The following DNAH7 variants were observed in gnomAD, a reference collection of about 807,000 sequenced individuals.
DNAH7 encodes the protein axonemal beta dynein heavy chain 7.
In DNAH7, 397 loss-of-function variants were observed where a neutral mutation model predicts 444.6. That is an observed-to-expected ratio of 0.89 (90% CI 0.82 to 0.97). The LOEUF (loss-of-function observed/expected upper bound fraction) is 0.97. Ranked by LOEUF, DNAH7 falls within the 50% of genes least tolerant of loss-of-function variation. The pLI is 0.00. For synonymous variants in DNAH7, 1,636 were observed against 1,624.4 expected (o/e 1.01, Z -0.17); for missense variants, 4,902 against 4,800.8 (o/e 1.02, Z -0.62).
chr2:195,948,127 T>C, intron 19 of DNAH7, among the ~76,000 whole-genome samples: 1 of 152,202 alleles, frequency 6.6e-6, no homozygotes, highest in East Asian at 1.9e-4. Flanking sequence ...CCTTGCCCAC[T>C]TTCTGATGGG....
intron 45 of DNAH7, among the ~76,000 whole-genome samples, chr2:195,854,066 C>G (rs548597822): frequency 6.6e-6 from 1 of 152,158 alleles, no homozygotes; most frequent in African/African-American, 2.4e-5. Context: ...TAGCTGAGAG[C>G]CTATTTGGTG....
At chr2:196,047,275 A>C in intron 5 of DNAH7, 77 bp downstream of exon 5, 1 of 1,315,224 alleles carries the variant, frequency 7.6e-7, no homozygotes, top group Non-Finnish European at 1.0e-6. Flanking sequence ...GATGCACAGA[A>C]TTCTAATATT....
At position 195,864,811 on chromosome 2, in the gene DNAH7, T is replaced by G; in HGVS notation, c.6844A>C (p.Asn2282His). The change falls in exon 41 of 65, where the codon AAC becomes CAC. Residue 2282 changes from asparagine to histidine, a missense_variant. Asn to His is a moderately conservative substitution (Grantham distance 68). Coordinates refer to ENST00000312428, the MANE Select transcript of DNAH7 (RefSeq NM_018897.3). ...TCCACATCTGCGATTTCTCTGTAGTTGGTATCCTCCCTCTTGGGATCATGG... is the reference window on the plus strand; with the variant it reads ...TCCACATCTGCGATTTCTCTGTAGTGGGTATCCTCCCTCTTGGGATCATGG... The part of the protein sequence containing the change: ...DFHDPKREDT[N>H]YREIADVDNL... 1 of 1,614,214 alleles carries G rather than the reference T, an allele frequency of 6.2e-7. No individual in the cohort carries two copies. The highest frequency in any genetic ancestry group is 8.5e-7 in the Non-Finnish European group (1 of 1,180,026).
At chr2:195,958,555 A>G (rs1690856783) in intron 18 of DNAH7, among the ~76,000 whole-genome samples, 1 of 152,222 alleles carries the variant, frequency 6.6e-6, no homozygotes. Context: ...ATTTCAATTT[A>G]TAAGATGTAA....
intron 21 of DNAH7, among the ~76,000 whole-genome samples, chr2:195,934,161 T>C (rs769049889): frequency 3.3e-5 from 5 of 152,206 alleles, no homozygotes; most frequent in Admixed American, 2.0e-4. Flanking sequence ...GTAGGAAGCA[T>C]ACATTATTTT....
chr2:195,907,064 G>T, intron 25 of DNAH7, 55 bp from the exon 26 acceptor site: 4 of 1,350,488 alleles, frequency 3.0e-6, no homozygotes, highest in Non-Finnish European at 4.2e-6. Flanking sequence ...ATGTTGCAAT[G>T]AAATGTTGTA....
Position 195,881,908 on chromosome 2 carries a change from C to A in DNAH7, c.5848G>T (p.Val1950Leu). 6.2e-7 allele frequency: 1 copy of A among 1,613,964 alleles called. No individual in the cohort carries two copies. Among genetic ancestry groups the A allele is most frequent in the Non-Finnish European group, 8.5e-7 (1 of 1,179,894 alleles). The change falls in exon 36 of 65, where the codon GTG becomes TTG. Residue 1950 changes from valine (V) to leucine (L), a missense_variant. Val to Leu is a conservative substitution (Grantham distance 32). Transcript: ENST00000312428. ...PKDVMFNEII[V>L]PTLDTIRYSA... ...TATCGAATTGTGTCCAGAGTTGGCA[C>A]AATGATTTCATTAAACATTACATCT...
intron 14 of DNAH7, 83 bp from the exon 15 acceptor site, chr2:195,984,793 T>C (rs17363053): frequency 0.15 from 186,841 of 1,238,572 alleles, 15,893 homozygotes; most frequent in Middle Eastern, 0.23. Flanking sequence ...GTTTAAATAT[T>C]CCATTGCATG....
chr2:195,823,613 G>A (rs1016887551), intron 49 of DNAH7, among the ~76,000 whole-genome samples: 1 of 151,980 alleles, frequency 6.6e-6, no homozygotes, highest in African/African-American at 2.4e-5. Flanking sequence ...GCTTGCCTCT[G>A]TAAATGAAAG....
At chr2:195,791,439 T>C (rs1449707788) in intron 57 of DNAH7, among the ~76,000 whole-genome samples, 1 of 149,534 alleles carries the variant, frequency 6.7e-6, no homozygotes, top group Admixed American at 6.7e-5. Context: ...GAAAAGGGAA[T>C]GCTTATACAC....
chr2:195,929,340 C>G (rs1249684372), intron 21 of DNAH7, among the ~76,000 whole-genome samples: 2 of 152,150 alleles, frequency 1.3e-5, no homozygotes, highest in Non-Finnish European at 1.5e-5. Context: ...TATCAAGCTA[C>G]CAACATCATT....
intron 31 of DNAH7, among the ~76,000 whole-genome samples, chr2:195,889,303 CTTTCTTTCTT>C (rs1454460429): frequency 1.3e-5 from 2 of 150,962 alleles, no homozygotes; most frequent in Admixed American, 6.6e-5. Context: ...TCCATCCTTC[CTTTCTTTCTT>C]TTTCTTTCTT....
chr2:195,811,355 TTTTA>T (rs1696959925), intron 51 of DNAH7, among the ~76,000 whole-genome samples: 1 of 152,140 alleles, frequency 6.6e-6, no homozygotes, highest in Non-Finnish European at 1.5e-5. Flanking sequence ...TTAGAAGTGT[TTTTA>T]TTTATTTGTT....
intron 46 of DNAH7, among the ~76,000 whole-genome samples, chr2:195,851,101 C>A (rs185996890): frequency 6.6e-6 from 1 of 152,330 alleles, no homozygotes; most frequent in Non-Finnish European, 1.5e-5. Context: ...GGTGTGAAAG[C>A]ACACAGAAGC....
intron 63 of DNAH7, among the ~76,000 whole-genome samples, chr2:195,741,676 A>G (rs910138173): frequency 5.3e-5 from 8 of 152,240 alleles, no homozygotes; most frequent in Admixed American, 1.3e-4. Context: ...ACATTTGTAA[A>G]ATAGTAATAT....
At chr2:196,053,924 A>G (rs773364825) in intron 2 of DNAH7, among the ~76,000 whole-genome samples, 14 of 152,162 alleles carry the variant, frequency 9.2e-5, no homozygotes, top group Non-Finnish European at 2.1e-4. Context: ...CTCCATCACT[A>G]TCTCACACCC....
intron 61 of DNAH7, among the ~76,000 whole-genome samples, chr2:195,767,184 C>T (rs1306494811): frequency 6.6e-6 from 1 of 152,022 alleles, no homozygotes; most frequent in African/African-American, 2.4e-5. Flanking sequence ...ATTTTTTAAG[C>T]TGTGAGTTAT....
rs572418961 is a variant in DNAH7, at chr2:195,820,032, C to T, written c.9292-2203G>A. ...ACAAAGCAGCAGAGAAAGCAAAGCA[C>T]GTTTAGAGGAATCTATTCTACCACT... On this transcript the variant is annotated intron_variant, in intron 49 of 64. Transcript: ENST00000312428. Among the ~76,000 whole-genome samples, 6 of 152,218 alleles carry T rather than the reference C, an allele frequency of 3.9e-5. No homozygotes were observed. In the South Asian group the frequency reaches 1.0e-3, roughly 26 times the overall value.
At chr2:195,741,310 G>C (rs966431794) in intron 63 of DNAH7, among the ~76,000 whole-genome samples, 2 of 152,152 alleles carry the variant, frequency 1.3e-5, no homozygotes, top group Non-Finnish European at 1.5e-5. Context: ...CTCTAATGTC[G>C]TAAGAGTTAA....
Sources: allele counts gnomAD v4.1 joint callset (sites outside exome capture counted in the v4.1 genomes callset), GRCh38; gene constraint gnomAD v4.1.1; transcripts MANE v1.5; gene names NCBI Gene and HGNC (gene_info 2026-07-23, HGNC 2026-07-21).